The following SLC9A1 variants were observed in gnomAD, a reference collection of about 807,000 sequenced individuals.
SLC9A1 encodes the protein sodium/hydrogen exchanger 1.
A neutral mutation model predicts 67.9 loss-of-function variants in SLC9A1; 22 were observed. The ratio of observed to expected loss-of-function variants is 0.32; its 90% CI spans 0.23 to 0.46. SLC9A1 has a LOEUF of 0.46. Among genes scored for constraint, SLC9A1 ranks in the 20% least tolerant of loss-of-function variants. The pLI is 1.00. For missense variants in SLC9A1, 686 were observed against 1,094.8 expected, an observed-to-expected ratio of 0.63 and a Z score of 5.27; for synonymous variants, 421 against 471.8, an observed-to-expected ratio of 0.89 and a Z score of 1.40.
intron 1 of SLC9A1, among the ~76,000 whole-genome samples, chr1:27,129,750 A>G (rs1221012434): frequency 1.3e-5 from 2 of 152,130 alleles, no homozygotes; most frequent in Non-Finnish European, 1.5e-5. Flanking sequence ...CTTGCTTGGA[A>G]CATGGTGCCA....
intron 1 of SLC9A1, among the ~76,000 whole-genome samples, chr1:27,127,103 T>G (rs1393406613): frequency 6.6e-6 from 1 of 152,112 alleles, no homozygotes; most frequent in Non-Finnish European, 1.5e-5. Context: ...TGGGCTCAAG[T>G]GATTCTCTCA....
intron 1 of SLC9A1, among the ~76,000 whole-genome samples, chr1:27,128,267 TC>T (rs1224416999): frequency 2.0e-5 from 3 of 152,230 alleles, no homozygotes; most frequent in African/African-American, 7.2e-5. Context: ...CTCAGTTTCT[TC>T]CTTTCTAACA....
chr1:27,154,231 T>C lies in SLC9A1; in HGVS notation c.104A>G (p.His35Arg). Reference protein sequence around the residue: ...LVGLLPVLRSHGLQLSPTAST... With the variant: ...LVGLLPVLRSRGLQLSPTAST... ...GGCAGTTGGGCTGAGCTGGAGGCCA[T>C]GGCTCCTGAGAACAGGCAGCAGCCC... Residue 35 changes from histidine to arginine, a missense_variant, in exon 1 of 12, where the codon CAT becomes CGT. His to Arg is a conservative substitution (Grantham distance 29). Around this residue, in one of 7 missense-constraint regions of SLC9A1, gnomAD observed 143 missense variants for 166.7 expected, o/e 0.86. Transcript: ENST00000263980. 1 of 1,613,930 alleles carries C rather than the reference T, an allele frequency of 6.2e-7. No homozygotes were observed. The highest frequency in any genetic ancestry group is 8.5e-7 in the Non-Finnish European group (1 of 1,179,932).
chr1:27,150,318 C>A (rs779361530), intron 1 of SLC9A1, among the ~76,000 whole-genome samples: 2 of 152,164 alleles, frequency 1.3e-5, no homozygotes, highest in Non-Finnish European at 2.9e-5. Context: ...ACAAAAGAAG[C>A]CTTTTGTGTC....
intron 1 of SLC9A1, among the ~76,000 whole-genome samples, chr1:27,131,947 A>AAAAAAAAAAAAAAAAAAATAT: frequency 3.8e-5 from 2 of 52,122 alleles, no homozygotes; most frequent in African/African-American, 1.3e-4. Flanking sequence ...AGAAAAAAAA[A>AAAAAAAAAAAAAAAAAAATAT]ATATATATAT....
intron 1 of SLC9A1, among the ~76,000 whole-genome samples, chr1:27,145,073 G>GA (rs952148589): frequency 0.028 from 2,711 of 96,922 alleles, 38 homozygotes; most frequent in African/African-American, 0.051. Flanking sequence ...AAGGAAAAAG[G>GA]AAAAAAAAAA....
At chr1:27,126,145 C>A (rs998076791) in intron 1 of SLC9A1, among the ~76,000 whole-genome samples, 1 of 152,120 alleles carries the variant, frequency 6.6e-6, no homozygotes, top group African/African-American at 2.4e-5. Flanking sequence ...TCAGATGCCA[C>A]CTCCCCAGAG....
intron 1 of SLC9A1, among the ~76,000 whole-genome samples, chr1:27,148,867 T>A (rs1034706887): frequency 2.0e-5 from 3 of 150,848 alleles, no homozygotes; most frequent in Non-Finnish European, 4.4e-5. Context: ...AGGCGGGAGG[T>A]CATAAGGTCA....
intron 1 of SLC9A1, among the ~76,000 whole-genome samples, chr1:27,126,040 ACCT>A (rs2083341893): frequency 6.6e-5 from 10 of 151,928 alleles, no homozygotes; most frequent in Non-Finnish European, 1.5e-4. Flanking sequence ...ACATGCCCCC[ACCT>A]CAGGGCCTTT....
At chr1:27,130,241 C>T (rs556545158) in intron 1 of SLC9A1, among the ~76,000 whole-genome samples, 2 of 152,340 alleles carry the variant, frequency 1.3e-5, no homozygotes, top group East Asian at 3.9e-4. Context: ...GCTGGGATTA[C>T]AGGCGCCCGC....
In SLC9A1 at chr1:27,137,338, G is replaced by A. The variant is rs1006118474; in HGVS notation, c.352+16645C>T. On this transcript the variant is annotated intron_variant, in intron 1 of 11. Transcript: ENST00000263980. This position sits in a 1 kb window ranked among gnomAD's most constrained non-coding sequence, Gnocchi z 4.6. ...AGGTCGGGGAGCTGAGCTCAATGCAGCTCTGTGGCCCTTAAGCAAGTCACT... is the reference window on the plus strand; with the variant it reads ...AGGTCGGGGAGCTGAGCTCAATGCAACTCTGTGGCCCTTAAGCAAGTCACT... Among the ~76,000 whole-genome samples, 1 of 152,366 alleles carries A rather than the reference G, an allele frequency of 6.6e-6. No individual in the cohort carries two copies. Among genetic ancestry groups the A allele is most frequent in the South Asian group, 2.1e-4 (1 of 4,832 alleles).
At chr1:27,124,248 A>G (rs767803787) in intron 1 of SLC9A1, among the ~76,000 whole-genome samples, 1 of 152,190 alleles carries the variant, frequency 6.6e-6, no homozygotes, top group Non-Finnish European at 1.5e-5. Flanking sequence ...CTTTAGAGCC[A>G]TGGGAGAGCT....
chr1:27,102,272 T>C lies in SLC9A1; in HGVS notation c.1820+113A>G, dbSNP rs558044553. Reference sequence around the variant, plus strand: ...TCCTTGGTGCGAGCCCACAGCTCTCTTGTCCGCCCCAACAGGACAACAGAA... The same window carrying C: ...TCCTTGGTGCGAGCCCACAGCTCTCCTGTCCGCCCCAACAGGACAACAGAA... On this transcript the variant is annotated intron_variant, in intron 8 of 11. Transcript: ENST00000263980. 7.2e-6 allele frequency: 10 copies of C among 1,387,496 alleles called. No individual in the cohort carries two copies. The Admixed American group carries it at 7.5e-5, about 10-fold the overall frequency. The allele number at this position is 1,387,496 out of a possible 1,614,324, so 85.9% of individuals were successfully genotyped here. A position where few individuals can be genotyped will look rare whatever the true frequency, so the allele number is the denominator to read the frequency against.
chr1:27,109,824 C>T lies in SLC9A1; in HGVS notation c.814-47G>A, dbSNP rs200303755. 1.3e-4 allele frequency: 203 copies of T among 1,606,564 alleles called. No individual in the cohort carries two copies. Among genetic ancestry groups the T allele is most frequent in the Middle Eastern group, 8.1e-4 (4 of 4,926 alleles). ...GTGGGTGGGAGGAGAGGGCCCTGGC[C>T]CCACGGTTCCCTGGGGTCCACCCAG... On this transcript the variant is annotated intron_variant, in intron 2 of 11. Transcript: ENST00000263980. The surrounding 1 kb of genome is among the most constrained non-coding windows in gnomAD (Gnocchi z 5.5).
At chr1:27,134,528 G>C (rs1369129983) in intron 1 of SLC9A1, among the ~76,000 whole-genome samples, 1 of 152,080 alleles carries the variant, frequency 6.6e-6, no homozygotes, top group Non-Finnish European at 1.5e-5. Context: ...GGGAGCAACA[G>C]AGCCAAGATT....
At chr1:27,117,965 A>G (rs1015223658) in intron 1 of SLC9A1, among the ~76,000 whole-genome samples, 1 of 152,132 alleles carries the variant, frequency 6.6e-6, no homozygotes, top group Non-Finnish European at 1.5e-5. Flanking sequence ...CAGCCCTTGG[A>G]GCTTCTATGA....
At chr1:27,113,715 T>A (rs544250157) in intron 2 of SLC9A1, 111 bp downstream of exon 2, 331 of 835,234 alleles carry the variant, frequency 4.0e-4, no homozygotes, top group Non-Finnish European at 4.1e-4. Flanking sequence ...AGCGGGAATG[T>A]GCCTCAGCTG....
At chr1:27,135,213 C>T (rs763408714) in intron 1 of SLC9A1, among the ~76,000 whole-genome samples, 16 of 152,002 alleles carry the variant, frequency 1.1e-4, no homozygotes, top group Non-Finnish European at 2.2e-4. Context: ...CCATGCCCTA[C>T]TAATTTTTTA....
At chr1:27,102,202 G>T (rs2083151232) in intron 8 of SLC9A1, 72 bp from the exon 9 acceptor site, 6 of 1,439,326 alleles carry the variant, frequency 4.2e-6, no homozygotes. Flanking sequence ...TTGGCCAGAA[G>T]GAAGTCACCC....
Sources: gnomAD v4.1 joint callset for allele counts (sites outside exome capture counted in the v4.1 genomes callset) on GRCh38, gnomAD v4.1.1 for gene constraint, gnomAD v4.1.1 regional missense constraint, Gnocchi (gnomAD v3.1) non-coding constraint, MANE v1.5 for transcripts, NCBI Gene and HGNC (gene_info 2026-07-23, HGNC 2026-07-21) for gene names.